The following HHAT variants were observed in gnomAD, a reference collection of about 807,000 sequenced individuals.
HHAT encodes protein-cysteine N-palmitoyltransferase HHAT.
HHAT carries 47 observed loss-of-function variants against 70.8 expected under a neutral mutation model. The observed-to-expected ratio is 0.66, with a 90% CI of 0.53 to 0.85. The LOEUF (loss-of-function observed/expected upper bound fraction) is 0.85. Among genes scored for constraint, HHAT ranks in the 40% least tolerant of loss-of-function variants. The probability of loss-of-function intolerance (pLI) is 0.00; values close to 1 mark genes in which losing one functional copy is unlikely to be tolerated. For synonymous variants in HHAT, 228 were observed against 247.6 expected (o/e 0.92, Z 0.74); for missense variants, 609 against 604.8 (o/e 1.01, Z -0.07).
intron 9 of HHAT, among the ~76,000 whole-genome samples, chr1:210,561,899 C>G (rs1021457072): frequency 9.9e-5 from 15 of 152,196 alleles, no homozygotes; most frequent in African/African-American, 2.9e-4. Context: ...TCTTCATTTT[C>G]CTCAATGTGT....
intron 10 of HHAT, among the ~76,000 whole-genome samples, chr1:210,612,625 T>C (rs1373396613): frequency 1.3e-5 from 2 of 152,200 alleles, no homozygotes; most frequent in Non-Finnish European, 2.9e-5. Context: ...TACAAATATA[T>C]GTCTGAGTCC....
chr1:210,501,507 G>T (rs183297280), intron 8 of HHAT, among the ~76,000 whole-genome samples: 332 of 152,322 alleles, frequency 2.2e-3, no homozygotes, highest in African/African-American at 7.5e-3. Flanking sequence ...GGGTTGGAAG[G>T]CTGTTGGAAG....
intron 7 of HHAT, among the ~76,000 whole-genome samples, chr1:210,419,812 A>G (rs2092840337): frequency 6.6e-6 from 1 of 152,256 alleles, no homozygotes; most frequent in South Asian, 2.1e-4. Flanking sequence ...TTAGACAAAC[A>G]GAATATGATT....
rs374229402 is a variant in HHAT at position 210,601,956 on chromosome 1, A to AGAGAGAGAGAGAGAGT, written c.1245+13858_1245+13859insAGAGAGAGAGAGAGTG. On this transcript the variant is annotated intron_variant, in intron 10 of 11. Coordinates refer to ENST00000261458, the MANE Select transcript of HHAT (RefSeq NM_018194.6). ...GAGACTCAGAGAGAGAGAGAGAGAG[A>AGAGAGAGAGAGAGAGT]GTATGTGTGTGAGAGTGTGTGTGTG... Among the ~76,000 whole-genome samples, 441 of 91,158 alleles carry AGAGAGAGAGAGAGAGT rather than the reference A, an allele frequency of 4.8e-3. 4 individuals carry two copies. The highest frequency in any genetic ancestry group is 0.015 in the African/African-American group (408 of 27,812). 59.8% of individuals were successfully genotyped at this position (91,158 alleles called of 152,430 possible).
At chr1:210,663,366 G>A (rs1361085302) in intron 11 of HHAT, among the ~76,000 whole-genome samples, 1 of 152,152 alleles carries the variant, frequency 6.6e-6, no homozygotes, top group African/African-American at 2.4e-5. Flanking sequence ...AAGAATCCTG[G>A]CCAGCAACGT....
At chr1:210,341,606 G>T (rs1015877798) in intron 1 of HHAT, among the ~76,000 whole-genome samples, 1 of 152,178 alleles carries the variant, frequency 6.6e-6, no homozygotes, top group African/African-American at 2.4e-5. Flanking sequence ...TCCTGAAAGG[G>T]ACCTAAAAAC....
intron 9 of HHAT, among the ~76,000 whole-genome samples, chr1:210,560,274 G>A (rs1373683274): frequency 1.3e-5 from 2 of 152,086 alleles, no homozygotes; most frequent in East Asian, 3.8e-4. Flanking sequence ...AAAAGAACAC[G>A]GTGAGAATAT....
intron 1 of HHAT, among the ~76,000 whole-genome samples, chr1:210,345,389 C>A (rs2086429273): frequency 1.3e-5 from 2 of 152,178 alleles, no homozygotes; most frequent in South Asian, 4.1e-4. Context: ...TGAGCCCACC[C>A]TAATTGTAAA....
intron 11 of HHAT, among the ~76,000 whole-genome samples, chr1:210,652,642 G>A (rs550839610): frequency 2.6e-4 from 39 of 152,208 alleles, no homozygotes; most frequent in Admixed American, 6.5e-4. Flanking sequence ...CTTCAGGCTG[G>A]TGCAGTATTA....
chr1:210,445,874 G>A lies in HHAT; in HGVS notation c.857-18631G>A, dbSNP rs558927201. 6.2e-5 allele frequency among the ~76,000 whole-genome samples: 9 copies of A among 144,474 alleles called. No homozygotes were observed. The South Asian group carries it at 1.9e-3, about 31-fold the overall frequency. The allele number at this position is 144,474 out of a possible 152,430, so 94.8% of individuals were successfully genotyped here. ...TTCCTTTGCTCTTGGACAGTTACAG[G>A]CTCTTTTTTTTTTTTAATTCTGTAA... On this transcript the variant is annotated intron_variant, in intron 7 of 11. Transcript: ENST00000261458.
chr1:210,556,633 TGACAGC>T (rs1379730401), intron 9 of HHAT, among the ~76,000 whole-genome samples: 1 of 152,220 alleles, frequency 6.6e-6, no homozygotes. Context: ...GGAGCTGATA[TGACAGC>T]TTCACTCTCT....
intron 11 of HHAT, among the ~76,000 whole-genome samples, chr1:210,665,701 G>A (rs1678747421): frequency 6.6e-6 from 1 of 152,198 alleles, no homozygotes. Context: ...CATTCAGACT[G>A]TTTTCCACAT....
At chr1:210,509,440 G>A (rs1375318310) in intron 8 of HHAT, among the ~76,000 whole-genome samples, 3 of 152,130 alleles carry the variant, frequency 2.0e-5, no homozygotes, top group African/African-American at 4.8e-5. Context: ...TCAAAACCAA[G>A]GTACTGTTCC....
At chr1:210,392,063 C>T (rs1300311980) in intron 4 of HHAT, among the ~76,000 whole-genome samples, 1 of 152,148 alleles carries the variant, frequency 6.6e-6, no homozygotes, top group African/African-American at 2.4e-5. Context: ...GAGACGAGAT[C>T]TTGCTGTATT....
intron 8 of HHAT, among the ~76,000 whole-genome samples, chr1:210,505,012 C>T (rs529211626): frequency 6.0e-5 from 9 of 150,730 alleles, no homozygotes; most frequent in African/African-American, 2.2e-4. Context: ...GATTGTCCTG[C>T]CTCAGTCTCC....
rs557647845 is a variant in HHAT, at chr1:210,356,958, C to T, written c.92-5894C>T. ...GTTTACAAGGCTTTGTGAAAAGACC[C>T]AATTGAACTTCTCCTGTAGGAGCTG... is the stretch of plus-strand genomic sequence containing the variant. On this transcript the variant is annotated intron_variant, in intron 2 of 11. Coordinates refer to ENST00000261458, the MANE Select transcript of HHAT (RefSeq NM_018194.6). Among the ~76,000 whole-genome samples, 15 of 152,330 alleles carry T rather than the reference C, an allele frequency of 9.8e-5. 1 individual carries two copies. In the South Asian group the frequency reaches 2.3e-3, roughly 23 times the overall value.
intron 9 of HHAT, among the ~76,000 whole-genome samples, chr1:210,532,154 A>G (rs932490584): frequency 7.9e-5 from 12 of 152,220 alleles, no homozygotes; most frequent in Non-Finnish European, 1.8e-4. Context: ...TGTGTTTATT[A>G]ATATACTGAG....
In HHAT at chr1:210,342,619, A is replaced by C. The variant is rs2086138027; in HGVS notation, c.-43-6314A>C. On this transcript the variant is annotated intron_variant, in intron 1 of 11. Coordinates refer to ENST00000261458, the MANE Select transcript of HHAT (RefSeq NM_018194.6). ...TAGGCTATCTCACAGCTACCCACTT[A>C]GCTGATAATGTTGGTGCAGGACTGA... 3.3e-5 allele frequency among the ~76,000 whole-genome samples: 5 copies of C among 152,194 alleles called. No individual in the cohort carries two copies. In the South Asian group the frequency reaches 1.0e-3, roughly 31 times the overall value.
chr1:210,376,695 G>T (rs535362722), intron 3 of HHAT, among the ~76,000 whole-genome samples: 1 of 152,308 alleles, frequency 6.6e-6, no homozygotes, highest in East Asian at 1.9e-4. Context: ...GGTGCGCTGG[G>T]TGGGGAGGTG....
Sources: gnomAD v4.1 joint callset for allele counts (sites outside exome capture counted in the v4.1 genomes callset) on GRCh38, gnomAD v4.1.1 for gene constraint, MANE v1.5 for transcripts, NCBI Gene and HGNC (gene_info 2026-07-23, HGNC 2026-07-21) for gene names.